The following CSMD3 variants were observed in gnomAD, a reference collection of about 807,000 sequenced individuals.
The protein encoded by CSMD3 is CUB and sushi domain-containing protein 3.
CSMD3 carries 177 observed loss-of-function variants against 435.2 expected under a neutral mutation model. That is an observed-to-expected ratio of 0.41 (90% confidence interval 0.36 to 0.46). The LOEUF is 0.46. CSMD3 is among the 20% of genes least tolerant of loss of function. The pLI is 0.34. For synonymous variants in CSMD3, 1,656 were observed against 1,520.5 expected, an observed-to-expected ratio of 1.09 and a Z score of -2.07; for missense variants, 4,265 against 4,504.6, an observed-to-expected ratio of 0.95 and a Z score of 1.52.
intron 5 of CSMD3, among the ~76,000 whole-genome samples, chr8:113,076,699 C>T (rs141051883): frequency 1.5e-3 from 226 of 152,044 alleles, no homozygotes; most frequent in African/African-American, 5.3e-3. Context: ...CTCATTAAAG[C>T]ATATCCTCAG....
At chr8:112,288,003 TGAGA>T (rs905001878) in intron 57 of CSMD3, among the ~76,000 whole-genome samples, 2 of 145,526 alleles carry the variant, frequency 1.4e-5, no homozygotes, top group African/African-American at 5.0e-5. Flanking sequence ...TAATATACAT[TGAGA>T]GAGAGAGTGA....
intron 13 of CSMD3, among the ~76,000 whole-genome samples, chr8:112,793,519 G>T (rs60961852): frequency 0.38 from 58,233 of 151,878 alleles, 12,641 homozygotes; most frequent in African/African-American, 0.6. Flanking sequence ...ATAAAAACTT[G>T]CAGCAAATTA....
chr8:113,236,555 T>G (rs545203829), intron 3 of CSMD3, among the ~76,000 whole-genome samples: 5 of 152,212 alleles, frequency 3.3e-5, no homozygotes, highest in Non-Finnish European at 7.4e-5. Flanking sequence ...CACCCTTTTT[T>G]TTTCCTGCCC....
intron 5 of CSMD3, among the ~76,000 whole-genome samples, chr8:113,059,408 T>A (rs2088500336): frequency 6.6e-6 from 1 of 152,134 alleles, no homozygotes; most frequent in Non-Finnish European, 1.5e-5. Context: ...AATTGTTGCA[T>A]CTTACTTCCC....
Position 112,638,777 on chromosome 8 carries a change from G to C in CSMD3, c.3445C>G (p.Leu1149Val), listed in dbSNP as rs748994731. The C allele has an allele frequency of 4.3e-6, 7 of 1,612,032 alleles. No individual in the cohort carries two copies. The highest frequency in any genetic ancestry group is 1.3e-5 in the African/African-American group (1 of 74,746). Residue 1149 changes from leucine (L) to valine (V), a missense_variant, in exon 21 of 71, where the codon CTC becomes GTC. By Grantham distance (32) the Leu-to-Val change is conservative (BLOSUM62 1). This residue lies in a region of CSMD3 where 3,255 missense variants were observed against 3,380.2 expected (regional missense o/e 0.96). Transcript: ENST00000297405. ...SDLPPTINAG[L>V]YGNFRAQLRF... Reference sequence around the variant, plus strand: ...AATTGAGCCCTGAAATTTCCATAGAGACCAGCATTGATTGTTGGAGGAAGA... The same window carrying C: ...AATTGAGCCCTGAAATTTCCATAGACACCAGCATTGATTGTTGGAGGAAGA...
intron 66 of CSMD3, among the ~76,000 whole-genome samples, chr8:112,239,960 T>C (rs772761615): frequency 9.2e-5 from 14 of 152,082 alleles, no homozygotes; most frequent in Non-Finnish European, 2.1e-4. Context: ...TAATTAATTC[T>C]GAGGCTTTTC....
chr8:113,221,194 AGTATT>A (rs1225511358), intron 3 of CSMD3, among the ~76,000 whole-genome samples: 3 of 151,360 alleles, frequency 2.0e-5, no homozygotes, highest in African/African-American at 7.3e-5. Context: ...AATAGATGAT[AGTATT>A]GTATTGATAT....
At chr8:112,581,723 C>T (rs983782041) in intron 23 of CSMD3, among the ~76,000 whole-genome samples, 11 of 152,046 alleles carry the variant, frequency 7.2e-5, no homozygotes, top group Non-Finnish European at 1.3e-4. Context: ...TTATAGCATG[C>T]GTTCTATTGG....
At chr8:112,537,439 A>T (rs917968602) in intron 27 of CSMD3, among the ~76,000 whole-genome samples, 1 of 151,914 alleles carries the variant, frequency 6.6e-6, no homozygotes, top group Non-Finnish European at 1.5e-5. Context: ...CAAAGGATAA[A>T]ATGAAAACTC....
At chr8:112,310,741 A>C in intron 50 of CSMD3, 2 of 593,122 alleles carry the variant, frequency 3.4e-6, no homozygotes, top group Non-Finnish European at 6.1e-6. Flanking sequence ...TATGTATACA[A>C]GGGGAAAAAG....
intron 30 of CSMD3, among the ~76,000 whole-genome samples, chr8:112,497,509 T>C (rs972708122): frequency 6.7e-6 from 1 of 150,332 alleles, no homozygotes; most frequent in Admixed American, 6.7e-5. Flanking sequence ...ATATACCTAC[T>C]ATGAACCTGT....
At chr8:112,292,385 C>A in intron 55 of CSMD3, 152 bp downstream of exon 55, 1 of 610,618 alleles carries the variant, frequency 1.6e-6, no homozygotes, top group Non-Finnish European at 2.8e-6. Flanking sequence ...AAAAGGAAAG[C>A]ATTGTTAATG....
At chr8:113,009,446 C>T (rs2086175726) in intron 6 of CSMD3, among the ~76,000 whole-genome samples, 1 of 151,598 alleles carries the variant, frequency 6.6e-6, no homozygotes, top group African/African-American at 2.4e-5. Context: ...AAATTAATTC[C>T]TGGGAATCTC....
In CSMD3 at chr8:113,023,589, C is replaced by A. The variant is rs551243185; in HGVS notation, c.918-4410G>T. On this transcript the variant is annotated intron_variant, in intron 5 of 70. Coordinates refer to ENST00000297405, the MANE Select transcript of CSMD3 (RefSeq NM_198123.2). ...TGCTATTAGTTGCTCAAATTTTATT[C>A]TTTCATCTTATCCCTGGAACTTTGC... Among the ~76,000 whole-genome samples, 17 of 152,148 alleles carry A rather than the reference C, an allele frequency of 1.1e-4. No homozygotes were observed. The South Asian group carries it at 3.3e-3, about 30-fold the overall frequency.
At chr8:112,741,453 A>G (rs1264890303) in intron 13 of CSMD3, among the ~76,000 whole-genome samples, 1 of 151,936 alleles carries the variant, frequency 6.6e-6, no homozygotes, top group East Asian at 1.9e-4. Flanking sequence ...CAAACAAAGA[A>G]AGTAAAAGAT....
intron 1 of CSMD3, among the ~76,000 whole-genome samples, chr8:113,383,940 A>G (rs1034691502): frequency 6.6e-6 from 1 of 152,098 alleles, no homozygotes; most frequent in African/African-American, 2.4e-5. Flanking sequence ...ACATTCTCCA[A>G]CTGTGGCTAA....
At position 113,163,063 on chromosome 8, in the gene CSMD3, C is replaced by T. The variant is rs1003450881; in HGVS notation, c.709+10659G>A. 6.6e-5 allele frequency among the ~76,000 whole-genome samples: 10 copies of T among 152,044 alleles called. No homozygotes were observed. The South Asian group carries it at 8.3e-4, about 13-fold the overall frequency. On this transcript the variant is annotated intron_variant, in intron 4 of 70. Transcript: ENST00000297405. ...CAATAGCTATTGACCTCTTCTCCATCATCATTCAATAGATATTTGTTAAAA... is the reference window on the plus strand; with the variant it reads ...CAATAGCTATTGACCTCTTCTCCATTATCATTCAATAGATATTTGTTAAAA...
At chr8:112,987,407 AATAG>A (rs2085294800) in intron 6 of CSMD3, among the ~76,000 whole-genome samples, 1 of 152,152 alleles carries the variant, frequency 6.6e-6, no homozygotes, top group Non-Finnish European at 1.5e-5. Flanking sequence ...ACTTTAAATA[AATAG>A]ATACCAAAAA....
At chr8:112,525,070 T>C (rs1029404079) in intron 27 of CSMD3, among the ~76,000 whole-genome samples, 2 of 151,856 alleles carry the variant, frequency 1.3e-5, no homozygotes, top group African/African-American at 2.4e-5. Context: ...GAAAATTTCC[T>C]CTTTGTAAGT....
Sources: gnomAD v4.1 joint callset for allele counts (sites outside exome capture counted in the v4.1 genomes callset) on GRCh38, gnomAD v4.1.1 for gene constraint, gnomAD v4.1.1 regional missense constraint, MANE v1.5 for transcripts, NCBI Gene and HGNC (gene_info 2026-07-23, HGNC 2026-07-21) for gene names.